Variants in SLCO3A1 observed in about 807,000 individuals in gnomAD.
The protein encoded by SLCO3A1 is PGE1 transporter.
SLCO3A1 carries 27 observed loss-of-function variants against 63.1 expected under a neutral mutation model. The observed-to-expected ratio is 0.43, with a 90% CI of 0.32 to 0.59. The LOEUF (loss-of-function observed/expected upper bound fraction) is 0.59. SLCO3A1 is among the 20% of genes least tolerant of loss of function. SLCO3A1 has a pLI of 0.09. For synonymous variants in SLCO3A1, 473 were observed against 409.9 expected, an observed-to-expected ratio of 1.15 and a Z score of -1.86; for missense variants, 773 against 945.8, an observed-to-expected ratio of 0.82 and a Z score of 2.40.
Position 92,160,707 on chromosome 15 carries a change from C to G in SLCO3A1, c.1754-2049C>G, listed in dbSNP as rs183141964. On this transcript the variant is annotated intron_variant, in intron 9 of 9. Transcript: ENST00000318445. Reference sequence around the variant, plus strand: ...AGGAGAAGTACAGAGGCACCTGGGCCGAGAGCCTGGAGCTCTGCCAAGCTC... The same window carrying G: ...AGGAGAAGTACAGAGGCACCTGGGCGGAGAGCCTGGAGCTCTGCCAAGCTC... 5.6e-3 allele frequency among the ~76,000 whole-genome samples: 851 copies of G among 152,082 alleles called. 35 individuals are homozygous for G. In the East Asian group the frequency reaches 0.13, roughly 23 times the overall value.
intron 2 of SLCO3A1, among the ~76,000 whole-genome samples, chr15:92,083,217 A>G (rs1035182455): frequency 6.6e-6 from 1 of 152,216 alleles, no homozygotes; most frequent in African/African-American, 2.4e-5. Flanking sequence ...AGTTGAGTCA[A>G]GCAAATCTCA....
intron 9 of SLCO3A1, among the ~76,000 whole-genome samples, chr15:92,160,580 T>A (rs2048423472): frequency 6.6e-6 from 1 of 152,108 alleles, no homozygotes; most frequent in South Asian, 2.1e-4. Flanking sequence ...TTGGAGCTTA[T>A]TTATTAAATC....
At chr15:91,970,377 C>T (rs1030966156) in intron 2 of SLCO3A1, among the ~76,000 whole-genome samples, 2 of 152,216 alleles carry the variant, frequency 1.3e-5, no homozygotes, top group Admixed American at 6.5e-5. Flanking sequence ...GGCTCCATCA[C>T]ACCCTGGAGC....
chr15:91,953,229 G>A (rs964664170), intron 2 of SLCO3A1, among the ~76,000 whole-genome samples: 24 of 152,144 alleles, frequency 1.6e-4, no homozygotes, highest in Admixed American at 8.5e-4. Context: ...TCACTGACTC[G>A]CTCATTCGCT....
At chr15:92,047,994 T>C (rs1259792270) in intron 2 of SLCO3A1, among the ~76,000 whole-genome samples, 1 of 152,058 alleles carries the variant, frequency 6.6e-6, no homozygotes, top group Non-Finnish European at 1.5e-5. Flanking sequence ...CTCACTGAAC[T>C]ACAGGGTCTG....
intron 2 of SLCO3A1, among the ~76,000 whole-genome samples, chr15:91,986,053 A>G (rs1235852399): frequency 6.6e-6 from 1 of 152,168 alleles, no homozygotes; most frequent in African/African-American, 2.4e-5. Flanking sequence ...CTGAGTTTAC[A>G]TTCCCTTGAG....
At chr15:92,072,894 G>A (rs886545575) in intron 2 of SLCO3A1, among the ~76,000 whole-genome samples, 1 of 152,150 alleles carries the variant, frequency 6.6e-6, no homozygotes, top group African/African-American at 2.4e-5. Context: ...TCATTCACAG[G>A]TTCCAGGACA....
intron 2 of SLCO3A1, among the ~76,000 whole-genome samples, chr15:92,032,253 AG>A (rs1258993790): frequency 6.6e-6 from 1 of 152,094 alleles, no homozygotes. Flanking sequence ...GGCGTGTGGC[AG>A]GGGGAGAATG....
At chr15:91,937,995 G>A (rs999498900) in intron 2 of SLCO3A1, among the ~76,000 whole-genome samples, 1 of 152,136 alleles carries the variant, frequency 6.6e-6, no homozygotes, top group African/African-American at 2.4e-5. Flanking sequence ...GTTAATACAG[G>A]TGAAACATTC....
intron 2 of SLCO3A1, among the ~76,000 whole-genome samples, chr15:91,972,449 C>T (rs1157382499): frequency 6.6e-6 from 1 of 152,154 alleles, no homozygotes; most frequent in African/African-American, 2.4e-5. Context: ...GAGGGTACAC[C>T]TAGGACATGC....
At chr15:91,921,888 C>G (rs1223335770) in intron 2 of SLCO3A1, among the ~76,000 whole-genome samples, 1 of 152,046 alleles carries the variant, frequency 6.6e-6, no homozygotes, top group Non-Finnish European at 1.5e-5. Context: ...TGCCACCACA[C>G]CCGGTTACTT....
At chr15:92,047,345 C>A (rs370544025) in intron 2 of SLCO3A1, among the ~76,000 whole-genome samples, 14 of 2,938 alleles carry the variant, frequency 4.8e-3, no homozygotes, top group Non-Finnish European at 5.7e-3. Flanking sequence ...AATATATATA[C>A]AAATATATAT....
At chr15:91,910,824 T>C (rs1035844354) in intron 1 of SLCO3A1, among the ~76,000 whole-genome samples, 3 of 152,280 alleles carry the variant, frequency 2.0e-5, no homozygotes. Context: ...TGCCCAGTCT[T>C]GCAGGTGGGA....
intron 2 of SLCO3A1, among the ~76,000 whole-genome samples, chr15:92,001,030 T>A (rs1353052976): frequency 6.6e-6 from 1 of 152,142 alleles, no homozygotes; most frequent in Non-Finnish European, 1.5e-5. Context: ...CAATTTACCT[T>A]GTCATGAGCA....
At chr15:91,858,383 T>A (rs372585022) in intron 1 of SLCO3A1, among the ~76,000 whole-genome samples, 2 of 118,254 alleles carry the variant, frequency 1.7e-5, no homozygotes, top group Non-Finnish European at 3.8e-5. Context: ...ATTACCTTGA[T>A]TTTTTTTTTC....
Position 91,857,497 on chromosome 15 carries a change from G to A in SLCO3A1, c.180+3409G>A, listed in dbSNP as rs116309622. Among the ~76,000 whole-genome samples the A allele has an allele frequency of 9.1e-3, 1,383 of 151,906 alleles. 19 individuals are homozygous for A. Among genetic ancestry groups the A allele is most frequent in the African/African-American group, 0.029 (1,188 of 41,154 alleles). ...GCTCGGTTTGATAGTCATTTTGTATGGAACAGAGAATGCAATTTAATTTTC... is the reference window on the plus strand; with the variant it reads ...GCTCGGTTTGATAGTCATTTTGTATAGAACAGAGAATGCAATTTAATTTTC... On this transcript the variant is annotated intron_variant, in intron 1 of 9. Coordinates refer to ENST00000318445, the MANE Select transcript of SLCO3A1 (RefSeq NM_013272.4).
chr15:92,019,558 C>T (rs1188485160), intron 2 of SLCO3A1, among the ~76,000 whole-genome samples: 1 of 152,218 alleles, frequency 6.6e-6, no homozygotes, highest in Non-Finnish European at 1.5e-5. Context: ...ACTCCTTGTA[C>T]AGCAGGAAAC....
At position 92,042,435 on chromosome 15, in the gene SLCO3A1, A is replaced by G. The variant is rs960494085; in HGVS notation, c.647-52446A>G. Among the ~76,000 whole-genome samples, 3 of 152,172 alleles carry G rather than the reference A, an allele frequency of 2.0e-5. No individual in the cohort carries two copies. The South Asian group carries it at 6.2e-4, about 31-fold the overall frequency. On this transcript the variant is annotated intron_variant, in intron 2 of 9. Coordinates refer to ENST00000318445, the MANE Select transcript of SLCO3A1 (RefSeq NM_013272.4). ...TGAGGGGATCCACACGGTTGGGCCA[A>G]TTGATGTAGGAACGAGGCTGTATGT...
At chr15:92,098,561 G>A (rs2047567423) in intron 3 of SLCO3A1, among the ~76,000 whole-genome samples, 1 of 152,146 alleles carries the variant, frequency 6.6e-6, no homozygotes, top group Non-Finnish European at 1.5e-5. Context: ...CACTGCCTTG[G>A]CCAACCTTAA....
Sources: gnomAD v4.1 joint callset for allele counts (sites outside exome capture counted in the v4.1 genomes callset) on GRCh38, gnomAD v4.1.1 for gene constraint, MANE v1.5 for transcripts, NCBI Gene and HGNC (gene_info 2026-07-23, HGNC 2026-07-21) for gene names.